ERC1: variants seen among roughly 807,000 people sequenced by gnomAD.
The protein encoded by ERC1 is ELKS/RAB6-interacting/CAST family member 1, also known as RAB6 interacting protein 2.
Under a neutral mutation model 132.0 loss-of-function variants are expected in ERC1, and 56 were observed. The ratio of observed to expected loss-of-function variants is 0.42; its 90% CI spans 0.34 to 0.53. The LOEUF (loss-of-function observed/expected upper bound fraction) is 0.53. ERC1 is among the 20% of genes least tolerant of loss of function. The probability of loss-of-function intolerance (pLI) is 0.03; values close to 1 mark genes in which losing one functional copy is unlikely to be tolerated. For synonymous variants in ERC1, 478 were observed against 476.1 expected (o/e 1.00, Z -0.05); for missense variants, 1,202 against 1,349.9 (o/e 0.89, Z 1.72).
At chr12:1,220,915 A>T (rs892260623) in intron 12 of ERC1, among the ~76,000 whole-genome samples, 1 of 152,100 alleles carries the variant, frequency 6.6e-6, no homozygotes, top group East Asian at 1.9e-4. Context: ...CGTGAGGAAC[A>T]CTCAGGCTCA....
chr12:1,097,123 C>A (rs754641730), intron 3 of ERC1, among the ~76,000 whole-genome samples: 2 of 151,962 alleles, frequency 1.3e-5, no homozygotes, highest in Non-Finnish European at 2.9e-5. Context: ...TGGAGCATTT[C>A]TTGGCTTATT....
chr12:1,407,561 AGT>A (rs985319539), intron 16 of ERC1, among the ~76,000 whole-genome samples: 1 of 149,226 alleles, frequency 6.7e-6, no homozygotes, highest in African/African-American at 2.6e-5. Context: ...CAGTTCATGA[AGT>A]GCTTGATTTG....
chr12:1,409,430 A>T (rs1161867948), intron 17 of ERC1, among the ~76,000 whole-genome samples: 1 of 152,216 alleles, frequency 6.6e-6, no homozygotes, highest in East Asian at 1.9e-4. Flanking sequence ...GAGTAGGAAG[A>T]GACAAACAGA....
intron 1 of ERC1, among the ~76,000 whole-genome samples, chr12:992,048 G>A (rs1344434328): frequency 6.6e-6 from 1 of 152,140 alleles, no homozygotes; most frequent in South Asian, 2.1e-4. Context: ...GAGCGTGGAT[G>A]TATCTGAAAG....
intron 12 of ERC1, among the ~76,000 whole-genome samples, chr12:1,222,868 CAG>C (rs1255968473): frequency 6.6e-6 from 1 of 152,156 alleles, no homozygotes; most frequent in Admixed American, 6.5e-5. Flanking sequence ...AAGTTAAAGA[CAG>C]ATAATAAAAA....
At chr12:1,003,081 T>C (rs1296505328) in intron 1 of ERC1, among the ~76,000 whole-genome samples, 6 of 101,686 alleles carry the variant, frequency 5.9e-5, no homozygotes, top group African/African-American at 2.2e-4. Flanking sequence ...TGAAACCCTA[T>C]CTCTATGAAA....
intron 7 of ERC1, among the ~76,000 whole-genome samples, chr12:1,137,634 G>C (rs1442848429): frequency 1.3e-5 from 2 of 151,296 alleles, no homozygotes; most frequent in African/African-American, 4.8e-5. Flanking sequence ...CAGATCACCT[G>C]AGGTCAGGAG....
In ERC1 at chr12:1,432,299, A is replaced by G. The variant is rs114815010; in HGVS notation, c.3025-12263A>G. On this transcript the variant is annotated intron_variant, in intron 17 of 18. Coordinates refer to ENST00000360905, the MANE Select transcript of ERC1 (RefSeq NM_178040.4). The stretch of plus-strand genomic sequence containing the variant: ...CTTTAGACACTGAAATCTCATGTTC[A>G]TATAAAACCATTTTTAGCTGATGGG... Among the ~76,000 whole-genome samples the G allele has an allele frequency of 4.6e-3, 699 of 152,350 alleles. 5 individuals carry two copies. Among genetic ancestry groups the G allele is most frequent in the African/African-American group, 0.016 (676 of 41,592 alleles).
At chr12:1,450,506 C>G (rs1442942671) in intron 18 of ERC1, among the ~76,000 whole-genome samples, 1 of 152,198 alleles carries the variant, frequency 6.6e-6, no homozygotes, top group Admixed American at 6.5e-5. Context: ...TTTAAGGCTA[C>G]TGTTTTATAT....
chr12:1,393,041 C>T (rs2090113986), intron 16 of ERC1, among the ~76,000 whole-genome samples: 1 of 152,146 alleles, frequency 6.6e-6, no homozygotes, highest in Non-Finnish European at 1.5e-5. Flanking sequence ...ATATCATTTG[C>T]TTTCAATCTG....
intron 2 of ERC1, among the ~76,000 whole-genome samples, chr12:1,048,764 T>A (rs189060692): frequency 4.3e-4 from 66 of 152,378 alleles, no homozygotes; most frequent in African/African-American, 1.6e-3. Context: ...ATTTATAGTC[T>A]GTGCAAGACA....
chr12:1,138,381 T>C (rs1261539523), intron 7 of ERC1, among the ~76,000 whole-genome samples: 1 of 143,532 alleles, frequency 7.0e-6, no homozygotes, highest in Non-Finnish European at 1.5e-5. Context: ...TTGTATATAA[T>C]ATGTAATACA....
At chr12:1,178,793 A>G (rs1037668871) in intron 8 of ERC1, among the ~76,000 whole-genome samples, 4 of 152,112 alleles carry the variant, frequency 2.6e-5, no homozygotes, top group Non-Finnish European at 5.9e-5. Flanking sequence ...ATGTTGATTC[A>G]TTCATTTGTT....
intron 3 of ERC1, among the ~76,000 whole-genome samples, chr12:1,093,404 C>T (rs1280551919): frequency 6.6e-6 from 1 of 152,108 alleles, no homozygotes; most frequent in East Asian, 1.9e-4. Flanking sequence ...GTGCTGAGGG[C>T]TTGACAGGTG....
At chr12:1,253,396 G>A (rs1242169603) in intron 13 of ERC1, among the ~76,000 whole-genome samples, 2 of 152,204 alleles carry the variant, frequency 1.3e-5, no homozygotes, top group African/African-American at 4.8e-5. Flanking sequence ...AAGGCAGCTA[G>A]CTGGGTGTGG....
chr12:1,295,329 T>G (rs969833546), intron 15 of ERC1, among the ~76,000 whole-genome samples: 2 of 152,164 alleles, frequency 1.3e-5, no homozygotes, highest in African/African-American at 4.8e-5. Context: ...ATTCTGTAGT[T>G]GTAAATGTCC....
chr12:1,009,463 C>T (rs918596797), intron 1 of ERC1, among the ~76,000 whole-genome samples: 13 of 152,236 alleles, frequency 8.5e-5, no homozygotes, highest in African/African-American at 1.2e-4. Context: ...CGTGAGCCAC[C>T]GCGCCCAGCC....
At chr12:1,412,238 A>G (rs917648360) in intron 17 of ERC1, among the ~76,000 whole-genome samples, 1 of 152,234 alleles carries the variant, frequency 6.6e-6, no homozygotes, top group Admixed American at 6.5e-5. Flanking sequence ...TACAGAAGAT[A>G]GATTTTCTTT....
In ERC1 at chr12:1,408,193, C is replaced by G. The variant is rs753646471; in HGVS notation, c.2970C>G (p.Asp990Glu). 2 of 1,613,858 alleles carry G rather than the reference C, an allele frequency of 1.2e-6. No homozygotes were observed. Among genetic ancestry groups the G allele is most frequent in the Admixed American group, 1.7e-5 (1 of 59,998 alleles). Reference sequence around the variant, plus strand: ...TAATGGCCGACAACTACGAGGATGACCACTTCAAATCCTCCCATTCCAATC... The same window carrying G: ...TAATGGCCGACAACTACGAGGATGAGCACTTCAAATCCTCCCATTCCAATC... ...MKLMADNYED[D>E]HFKSSHSNQT... Residue 990 changes from aspartate (D) to glutamate (E), a missense_variant, in exon 17 of 19, where the codon GAC (aspartate) becomes GAG (glutamate). Transcript: ENST00000360905.
Sources: allele counts gnomAD v4.1 joint callset (sites outside exome capture counted in the v4.1 genomes callset), GRCh38; gene constraint gnomAD v4.1.1; transcripts MANE v1.5; gene names NCBI Gene and HGNC (gene_info 2026-07-23, HGNC 2026-07-21).